TTC17: variants seen among roughly 807,000 people sequenced by gnomAD.
TTC17 encodes the protein tetratricopeptide repeat protein 17.
A neutral mutation model predicts 143.8 loss-of-function variants in TTC17; 58 were observed. That is an observed-to-expected ratio of 0.40 (90% CI 0.33 to 0.50). TTC17 has a LOEUF of 0.50. Among genes scored for constraint, TTC17 ranks in the 20% least tolerant of loss-of-function variants. The pLI is 0.49. For synonymous variants in TTC17, 501 were observed against 497.8 expected (o/e 1.01, Z -0.09); for missense variants, 1,273 against 1,392.5 (o/e 0.91, Z 1.37).
rs754017483 is a variant in TTC17, at chr11:43,493,938, T to C, written c.*34T>C. ...TTCCTTCTCTCTTTCTCTTTACTCA[T>C]GCTCTAAAAAAAAAGAATAAGAAAA... On this transcript the variant is annotated 3_prime_UTR_variant, in exon 24 of 24. Transcript: ENST00000039989. The C allele has an allele frequency of 6.5e-7, 1 of 1,530,272 alleles. No individual in the cohort carries two copies. Among genetic ancestry groups the C allele is most frequent in the Non-Finnish European group, 8.8e-7 (1 of 1,139,248 alleles). 94.8% of individuals were successfully genotyped at this position (1,530,272 alleles called of 1,614,324 possible).
intron 21 of TTC17, among the ~76,000 whole-genome samples, chr11:43,485,568 A>G (rs887289934): frequency 6.6e-6 from 1 of 152,236 alleles, no homozygotes; most frequent in South Asian, 2.1e-4. Context: ...TGTGCAACAC[A>G]TTTAATCTAC....
chr11:43,446,302 A>C, intron 18 of TTC17: 1 of 530,138 alleles, frequency 1.9e-6, no homozygotes, highest in Non-Finnish European at 2.6e-6. Context: ...TGTTACCTTC[A>C]GGCAGAATTA....
chr11:43,487,305 C>T (rs895698919), intron 21 of TTC17, among the ~76,000 whole-genome samples: 1 of 152,076 alleles, frequency 6.6e-6, no homozygotes, highest in African/African-American at 2.4e-5. Context: ...GCCACCACAC[C>T]AGGCTAATTT....
intron 1 of TTC17, among the ~76,000 whole-genome samples, chr11:43,377,384 T>G (rs1856802553): frequency 6.6e-6 from 1 of 152,208 alleles, no homozygotes; most frequent in Non-Finnish European, 1.5e-5. Flanking sequence ...ATAACTGTAT[T>G]TACAAAGTTG....
Position 43,393,378 on chromosome 11 carries a change from C to T in TTC17, c.663+1426C>T, listed in dbSNP as rs74907129. On this transcript the variant is annotated intron_variant, in intron 5 of 23. Coordinates refer to ENST00000039989, the MANE Select transcript of TTC17 (RefSeq NM_018259.6). ...TATTATTGGTTTATTGTAAAGGATGCAATTCAGGAACAGCCAAAGGCATAA... is the reference window on the plus strand; with the variant it reads ...TATTATTGGTTTATTGTAAAGGATGTAATTCAGGAACAGCCAAAGGCATAA... 4.5e-3 allele frequency among the ~76,000 whole-genome samples: 688 copies of T among 152,230 alleles called. 4 individuals are homozygous for T. Among genetic ancestry groups the T allele is most frequent in the African/African-American group, 0.016 (647 of 41,546 alleles).
intron 21 of TTC17, among the ~76,000 whole-genome samples, chr11:43,470,198 T>C (rs530857641): frequency 6.6e-6 from 1 of 152,300 alleles, no homozygotes; most frequent in Admixed American, 6.5e-5. Flanking sequence ...TAGGACCAGT[T>C]AGACATTTCA....
chr11:43,481,445 G>C (rs11606175), intron 21 of TTC17, among the ~76,000 whole-genome samples: 2 of 152,054 alleles, frequency 1.3e-5, no homozygotes, highest in Non-Finnish European at 2.9e-5. Flanking sequence ...TTAGTTTTCT[G>C]AAAAAGTCTG....
At chr11:43,380,719 C>T (rs1219117236) in intron 2 of TTC17, among the ~76,000 whole-genome samples, 2 of 152,208 alleles carry the variant, frequency 1.3e-5, no homozygotes, top group Non-Finnish European at 2.9e-5. Context: ...AGAGAGAAGA[C>T]TTTAGCACAT....
chr11:43,381,471 G>A (rs1856966854), intron 2 of TTC17, among the ~76,000 whole-genome samples: 1 of 152,112 alleles, frequency 6.6e-6, no homozygotes, highest in Non-Finnish European at 1.5e-5. Context: ...AACAGAACGA[G>A]GCTTACTGCT....
chr11:43,426,139 A>G (rs534417134), intron 16 of TTC17, among the ~76,000 whole-genome samples: 67 of 152,262 alleles, frequency 4.4e-4, no homozygotes, highest in Admixed American at 7.2e-4. Flanking sequence ...ATAAAGCCCT[A>G]TTTCACTTGA....
chr11:43,407,665 T>TA lies in TTC17; in HGVS notation c.2064+94dup, dbSNP rs1224563783. 2.4e-5 allele frequency: 30 copies of TA among 1,252,022 alleles called. No homozygotes were observed. In the Middle Eastern group the frequency reaches 9.7e-4, roughly 41 times the overall value. 77.6% of individuals were successfully genotyped at this position (1,252,022 alleles called of 1,614,324 possible). ...AATTTGTATTTTTCTAGGGAAAGCA[T>TA]AAAAAATGTCATGTTTTGTCTTTCA... On this transcript the variant is annotated intron_variant, in intron 15 of 23. Coordinates refer to ENST00000039989, the MANE Select transcript of TTC17 (RefSeq NM_018259.6).
chr11:43,483,416 T>G (rs1261387651), intron 21 of TTC17, among the ~76,000 whole-genome samples: 1 of 152,054 alleles, frequency 6.6e-6, no homozygotes, highest in Admixed American at 6.6e-5. Context: ...ATATATAATT[T>G]TTAAGTTAGC....
chr11:43,443,962 C>G (rs953373539), intron 17 of TTC17, 94 bp from the exon 18 acceptor site: 1 of 1,385,480 alleles, frequency 7.2e-7, no homozygotes, highest in Non-Finnish European at 9.7e-7. Context: ...TTAACCTGAG[C>G]ACAGTACTTG....
At chr11:43,460,182 TC>T (rs1764579886) in intron 21 of TTC17, among the ~76,000 whole-genome samples, 1 of 152,082 alleles carries the variant, frequency 6.6e-6, no homozygotes, top group African/African-American at 2.4e-5. Context: ...ACCCTGCAAG[TC>T]CCAGGTTGAA....
intron 3 of TTC17, among the ~76,000 whole-genome samples, chr11:43,390,859 G>A (rs1031897993): frequency 3.9e-5 from 6 of 152,048 alleles, no homozygotes; most frequent in African/African-American, 1.4e-4. Flanking sequence ...AAAATGTAGA[G>A]AGACTGTCAG....
Position 43,443,470 on chromosome 11 carries a change from G to A in TTC17, c.2397G>A (p.Gly799=), listed in dbSNP as rs1233550551. The A allele has an allele frequency of 2.5e-6, 4 of 1,614,152 alleles. No individual in the cohort carries two copies. The South Asian group carries it at 3.3e-5, about 13-fold the overall frequency. The change falls in exon 17 of 24, where the codon GGG becomes GGA. Residue 799 remains glycine (G), a synonymous_variant. Transcript: ENST00000039989. The part of the protein sequence containing the change: ...EGFGGALEMK[G]RRLDLQGIRV... The stretch of plus-strand genomic sequence containing the variant: ...TTGGGGGTGCACTAGAGATGAAAGG[G>A]CGGCGTCTAGACTTACAAGGAATAC...
Position 43,398,084 on chromosome 11 carries a change from A to G in TTC17, c.1029A>G (p.Lys343=). The change falls in exon 8 of 24, where the codon AAA becomes AAG. Residue 343 remains lysine, a synonymous_variant. Coordinates refer to ENST00000039989, the MANE Select transcript of TTC17 (RefSeq NM_018259.6). ...KRKHAVLCQQ[K]LEQKLEAQHR... ...AGCATGCTGTCCTATGTCAGCAAAAACTGGAGCAGAAATTGGAGGCTCAGC... is the reference window on the plus strand; with the variant it reads ...AGCATGCTGTCCTATGTCAGCAAAAGCTGGAGCAGAAATTGGAGGCTCAGC... 6.2e-7 allele frequency: 1 copy of G among 1,614,078 alleles called. No individual in the cohort carries two copies. The highest frequency in any genetic ancestry group is 8.5e-7 in the Non-Finnish European group (1 of 1,180,004).
At chr11:43,462,921 C>CTTTTTTTTTTTTTTTTTTTTT (rs562594929) in intron 21 of TTC17, among the ~76,000 whole-genome samples, 10 of 117,746 alleles carry the variant, frequency 8.5e-5, no homozygotes, top group African/African-American at 2.0e-4. Flanking sequence ...TGACAAAATT[C>CTTTTTTTTTTTTTTTTTTTTT]TTTTTTTTTT....
chr11:43,430,485 A>G (rs1590405848), intron 16 of TTC17, among the ~76,000 whole-genome samples: 1 of 152,202 alleles, frequency 6.6e-6, no homozygotes, highest in South Asian at 2.1e-4. Context: ...GTAAAAGACT[A>G]TAGGTAACAT....
Sources: allele counts gnomAD v4.1 joint callset (sites outside exome capture counted in the v4.1 genomes callset), GRCh38; gene constraint gnomAD v4.1.1; transcripts MANE v1.5; gene names NCBI Gene and HGNC (gene_info 2026-07-23, HGNC 2026-07-21).